The following ZSWIM5 variants were observed in gnomAD, a reference collection of about 807,000 sequenced individuals.
ZSWIM5 encodes the protein zinc finger SWIM-type containing 5.
ZSWIM5 carries 55 observed loss-of-function variants against 119.6 expected under a neutral mutation model. That is an observed-to-expected ratio of 0.46 (90% confidence interval 0.37 to 0.58). ZSWIM5 has a LOEUF of 0.58. ZSWIM5 is among the 20% of genes least tolerant of loss of function. The pLI, the probability that ZSWIM5 is intolerant of heterozygous loss-of-function variation, is 0.00. For missense variants in ZSWIM5, 1,193 were observed against 1,512.8 expected (o/e 0.79, Z 3.51); for synonymous variants, 537 against 606.9 (o/e 0.88, Z 1.69).
chr1:45,022,261 G>C (rs1416319887), intron 11 of ZSWIM5, among the ~76,000 whole-genome samples: 1 of 151,620 alleles, frequency 6.6e-6, no homozygotes, highest in Non-Finnish European at 1.5e-5. Flanking sequence ...CTCCCGCGTA[G>C]CTGAGACTAC....
At chr1:45,093,649 A>G (rs1266614531) in intron 1 of ZSWIM5, among the ~76,000 whole-genome samples, 1 of 152,154 alleles carries the variant, frequency 6.6e-6, no homozygotes, top group East Asian at 1.9e-4. Flanking sequence ...CATATATCTT[A>G]AAAGGGAAGT....
intron 1 of ZSWIM5, among the ~76,000 whole-genome samples, chr1:45,108,877 G>A (rs1321759329): frequency 6.6e-6 from 1 of 152,006 alleles, no homozygotes; most frequent in Non-Finnish European, 1.5e-5. Flanking sequence ...TAATTTTCAG[G>A]TGATCTTAAT....
chr1:45,079,151 AC>A (rs1007444892), intron 2 of ZSWIM5, among the ~76,000 whole-genome samples: 5 of 150,340 alleles, frequency 3.3e-5, no homozygotes, highest in Admixed American at 3.3e-4. Flanking sequence ...GCACCTTGTG[AC>A]CCCCACCCCT....
intron 1 of ZSWIM5, among the ~76,000 whole-genome samples, chr1:45,151,195 C>G (rs894298412): frequency 7.2e-5 from 11 of 151,970 alleles, no homozygotes; most frequent in Non-Finnish European, 1.3e-4. Context: ...ATAGTATTTA[C>G]TACCATCTGA....
chr1:45,129,379 G>A (rs548752324), intron 1 of ZSWIM5, among the ~76,000 whole-genome samples: 9 of 151,816 alleles, frequency 5.9e-5, no homozygotes, highest in African/African-American at 1.9e-4. Flanking sequence ...GGATGGTCTC[G>A]ATATCCTGAC....
intron 2 of ZSWIM5, among the ~76,000 whole-genome samples, chr1:45,061,601 C>CCT (rs1243616870): frequency 1.3e-5 from 2 of 151,284 alleles, no homozygotes; most frequent in Non-Finnish European, 3.0e-5. Flanking sequence ...AAACTCCTGG[C>CCT]CTCAAGTGAT....
At chr1:45,116,495 G>A (rs1645558924) in intron 1 of ZSWIM5, among the ~76,000 whole-genome samples, 1 of 152,136 alleles carries the variant, frequency 6.6e-6, no homozygotes, top group Non-Finnish European at 1.5e-5. Flanking sequence ...GAAGCTGGAA[G>A]TATAGATAGC....
intron 1 of ZSWIM5, among the ~76,000 whole-genome samples, chr1:45,189,675 G>A (rs1379646736): frequency 6.6e-6 from 1 of 152,192 alleles, no homozygotes; most frequent in Non-Finnish European, 1.5e-5. Context: ...GGAATTACCT[G>A]AGCCTAGAAG....
intron 1 of ZSWIM5, among the ~76,000 whole-genome samples, chr1:45,151,862 A>G (rs1645798763): frequency 6.6e-6 from 1 of 152,226 alleles, no homozygotes; most frequent in African/African-American, 2.4e-5. Context: ...GAGTTTTGAC[A>G]TACATGAAAC....
At chr1:45,159,736 C>T (rs562006472) in intron 1 of ZSWIM5, among the ~76,000 whole-genome samples, 2 of 151,996 alleles carry the variant, frequency 1.3e-5, no homozygotes, top group East Asian at 3.9e-4. Flanking sequence ...TTACAGGTGC[C>T]CAATACCACA....
At chr1:45,196,812 T>C (rs534639660) in intron 1 of ZSWIM5, among the ~76,000 whole-genome samples, 6 of 152,334 alleles carry the variant, frequency 3.9e-5, no homozygotes, top group African/African-American at 1.4e-4. Flanking sequence ...ATGTAACCAC[T>C]ACAGTCATTA....
At chr1:45,133,474 A>G (rs1450519009) in intron 1 of ZSWIM5, among the ~76,000 whole-genome samples, 1 of 152,006 alleles carries the variant, frequency 6.6e-6, no homozygotes, top group Non-Finnish European at 1.5e-5. Context: ...TTTATCTTGT[A>G]AATTTGTTTG....
At chr1:45,175,754 T>TA (rs1023537344) in intron 1 of ZSWIM5, among the ~76,000 whole-genome samples, 1,869 of 145,162 alleles carry the variant, frequency 0.013, 35 homozygotes, top group African/African-American at 0.037. Context: ...ACCTGGCCTT[T>TA]AAAAAAAAAA....
chr1:45,096,315 A>C (rs1645401517), intron 1 of ZSWIM5, among the ~76,000 whole-genome samples: 1 of 147,320 alleles, frequency 6.8e-6, no homozygotes, highest in Admixed American at 6.8e-5. Context: ...ACACACCCCT[A>C]CCTGCTTTAC....
chr1:45,109,132 A>AATGCTTATC (rs1285427833), intron 1 of ZSWIM5, among the ~76,000 whole-genome samples: 1 of 152,238 alleles, frequency 6.6e-6, no homozygotes, highest in Non-Finnish European at 1.5e-5. Context: ...CAGTTAGGAC[A>AATGCTTATC]ATGCTTATCA....
intron 1 of ZSWIM5, among the ~76,000 whole-genome samples, chr1:45,191,132 G>T (rs1050351754): frequency 1.3e-5 from 2 of 150,502 alleles, no homozygotes; most frequent in African/African-American, 2.4e-5. Context: ...ATTTTTAGTA[G>T]AGACCTCGTG....
chr1:45,069,559 G>A (rs1645209050), intron 2 of ZSWIM5, among the ~76,000 whole-genome samples: 1 of 152,012 alleles, frequency 6.6e-6, no homozygotes, highest in African/African-American at 2.4e-5. Context: ...TGGAATTTGA[G>A]GACTCGTTTT....
intron 1 of ZSWIM5, among the ~76,000 whole-genome samples, chr1:45,184,120 G>T (rs932942238): frequency 3.3e-5 from 5 of 152,114 alleles, no homozygotes; most frequent in African/African-American, 1.2e-4. Flanking sequence ...ATGTAATCCA[G>T]CATATAAACA....
intron 11 of ZSWIM5, among the ~76,000 whole-genome samples, chr1:45,029,308 C>A (rs1297559521): frequency 6.6e-6 from 1 of 152,200 alleles, no homozygotes; most frequent in Admixed American, 6.5e-5. Flanking sequence ...CATTCATGAC[C>A]TTGACACTTT....
Sources: allele counts gnomAD v4.1 joint callset (sites outside exome capture counted in the v4.1 genomes callset), GRCh38; gene constraint gnomAD v4.1.1; transcripts MANE v1.5; gene names NCBI Gene and HGNC (gene_info 2026-07-23, HGNC 2026-07-21).